The following CACNA2D3 variants were observed in gnomAD, a reference collection of about 807,000 sequenced individuals.
CACNA2D3 encodes calcium voltage-gated channel auxiliary subunit alpha2delta 3.
In CACNA2D3, 60 loss-of-function variants were observed where a neutral mutation model predicts 160.6. The ratio of observed to expected loss-of-function variants is 0.37; its 90% CI spans 0.30 to 0.46. CACNA2D3 has a LOEUF of 0.46. CACNA2D3 is among the 20% of genes least tolerant of loss of function. The pLI is 1.00. For synonymous variants in CACNA2D3, 558 were observed against 492.9 expected (o/e 1.13, Z -1.75); for missense variants, 1,205 against 1,365.0 (o/e 0.88, Z 1.85).
At chr3:54,795,933 C>T (rs998646981) in intron 13 of CACNA2D3, among the ~76,000 whole-genome samples, 1 of 152,132 alleles carries the variant, frequency 6.6e-6, no homozygotes, top group Non-Finnish European at 1.5e-5. Flanking sequence ...ATGTGTTTGG[C>T]AAAGTGTGCT....
intron 11 of CACNA2D3, among the ~76,000 whole-genome samples, chr3:54,718,306 T>C (rs1430638216): frequency 6.6e-6 from 1 of 152,144 alleles, no homozygotes; most frequent in East Asian, 1.9e-4. Context: ...TTAAGACATA[T>C]TTCCCTGCCC....
chr3:54,240,006 A>G (rs368634525), intron 2 of CACNA2D3, among the ~76,000 whole-genome samples: 2 of 152,248 alleles, frequency 1.3e-5, no homozygotes, highest in South Asian at 2.1e-4. Context: ...ATCTTATTTC[A>G]GGCCAGGAAT....
intron 35 of CACNA2D3, among the ~76,000 whole-genome samples, chr3:55,024,763 AAC>A (rs1386955792): frequency 6.6e-6 from 1 of 152,234 alleles, no homozygotes; most frequent in Non-Finnish European, 1.5e-5. Context: ...AAAAGTTTTT[AAC>A]ACCTGTAAAC....
At chr3:54,687,718 G>C (rs1700495007) in intron 11 of CACNA2D3, among the ~76,000 whole-genome samples, 1 of 152,180 alleles carries the variant, frequency 6.6e-6, no homozygotes, top group Non-Finnish European at 1.5e-5. Context: ...GAATCATTTT[G>C]ACATAGCAAC....
At chr3:54,592,305 T>C (rs6445703) in intron 9 of CACNA2D3, among the ~76,000 whole-genome samples, 112,869 of 152,148 alleles carry the variant, frequency 0.74, 42,317 homozygotes, top group African/African-American at 0.83. Context: ...ACATAGATTT[T>C]CGAGATTTTG....
At chr3:54,425,621 A>G (rs1699901277) in intron 4 of CACNA2D3, among the ~76,000 whole-genome samples, 1 of 152,244 alleles carries the variant, frequency 6.6e-6, no homozygotes, top group Non-Finnish European at 1.5e-5. Context: ...TGGCCAAGGC[A>G]GAGTGGGTTC....
At position 54,711,777 on chromosome 3, in the gene CACNA2D3, T is replaced by C. The variant is rs139653230; in HGVS notation, c.1168-40822T>C. On this transcript the variant is annotated intron_variant, in intron 11 of 37. Coordinates refer to ENST00000474759, the MANE Select transcript of CACNA2D3 (RefSeq NM_018398.3). ...GGTAGACAGTTGGCAGTACCTGCCC[T>C]TCCTCATCTGCTGCTACCAGACCAC... Among the ~76,000 whole-genome samples the C allele has an allele frequency of 1.6e-3, 244 of 152,340 alleles. 1 individual carries two copies. Among genetic ancestry groups the C allele is most frequent in the African/African-American group, 4.3e-3 (180 of 41,586 alleles).
chr3:54,265,533 T>A (rs1227314681), intron 2 of CACNA2D3, among the ~76,000 whole-genome samples: 1 of 81,214 alleles, frequency 1.2e-5, no homozygotes, highest in Admixed American at 1.5e-4. Context: ...TTAAAGTATG[T>A]GTGTGTGTGT....
chr3:54,205,626 TA>T (rs1701262950), intron 2 of CACNA2D3, among the ~76,000 whole-genome samples: 1 of 152,212 alleles, frequency 6.6e-6, no homozygotes, highest in African/African-American at 2.4e-5. Context: ...CATCACTTGA[TA>T]ATGCCTATAA....
intron 14 of CACNA2D3, among the ~76,000 whole-genome samples, chr3:54,825,628 CA>C (rs1424346143): frequency 1.3e-5 from 2 of 152,090 alleles, no homozygotes; most frequent in East Asian, 3.9e-4. Context: ...AGCTAAAGAA[CA>C]AGTTAAAGGA....
At chr3:54,147,267 T>G (rs1387838128) in intron 2 of CACNA2D3, among the ~76,000 whole-genome samples, 1 of 152,220 alleles carries the variant, frequency 6.6e-6, no homozygotes, top group Non-Finnish European at 1.5e-5. Flanking sequence ...GTAGTGAGGC[T>G]GACGTGTGAA....
At position 54,424,946 on chromosome 3, in the gene CACNA2D3, C is replaced by T. The variant is rs995333049; in HGVS notation, c.381+38172C>T. Among the ~76,000 whole-genome samples, 14 of 152,300 alleles carry T rather than the reference C, an allele frequency of 9.2e-5. No homozygotes were observed. The South Asian group carries it at 1.9e-3, about 20-fold the overall frequency. On this transcript the variant is annotated intron_variant, in intron 4 of 37. Transcript: ENST00000474759. ...CATCTGCTTTGCTCACAGAGCTGGA[C>T]GTGGGGGTACAGAAAAAAGAGAGAA...
chr3:54,454,661 T>C (rs1046084541), intron 4 of CACNA2D3, among the ~76,000 whole-genome samples: 1 of 152,148 alleles, frequency 6.6e-6, no homozygotes, highest in Non-Finnish European at 1.5e-5. Flanking sequence ...TTGTTAGTTA[T>C]AGACACCCTA....
In CACNA2D3 at chr3:54,615,645, A is replaced by G. The variant is rs539583664; in HGVS notation, c.964-12142A>G. 8.5e-5 allele frequency among the ~76,000 whole-genome samples: 13 copies of G among 152,358 alleles called. No individual in the cohort carries two copies. In the East Asian group the frequency reaches 2.5e-3, roughly 29 times the overall value. On this transcript the variant is annotated intron_variant, in intron 9 of 37. Transcript: ENST00000474759. ...TGTTTTTAAAATGTTTACAGATGAA[A>G]TAATATGATATCTGGGATGTGCTTC... is the stretch of plus-strand genomic sequence containing the variant.
chr3:54,689,875 A>G (rs2106930385), intron 11 of CACNA2D3, among the ~76,000 whole-genome samples: 1 of 152,158 alleles, frequency 6.6e-6, no homozygotes, highest in East Asian at 1.9e-4. Flanking sequence ...ATGTTAGCTC[A>G]TGTTTCTCCT....
chr3:54,136,805 C>G (rs918686892), intron 2 of CACNA2D3, among the ~76,000 whole-genome samples: 2 of 152,232 alleles, frequency 1.3e-5, no homozygotes, highest in Non-Finnish European at 2.9e-5. Flanking sequence ...GGAGCCTACT[C>G]CAAGAGACCC....
rs1179763128 is a variant in CACNA2D3, at chr3:54,838,581, T to C, written c.1484T>C (p.Ile495Thr). The change falls in exon 16 of 38, where the codon ATT becomes ACT. Residue 495 changes from isoleucine (I) to threonine (T), a missense_variant. Physicochemically the swap from Ile to Thr is moderately conservative, Grantham distance 89. Coordinates refer to ENST00000474759, the MANE Select transcript of CACNA2D3 (RefSeq NM_018398.3). ...TATTTTCGACAGAGATCGAAGGGCATTCTTCTGGGAGTGGTTGGCACAGAT... is the reference window on the plus strand; with the variant it reads ...TATTTTCGACAGAGATCGAAGGGCACTCTTCTGGGAGTGGTTGGCACAGAT... Reference protein sequence around the residue: ...SKQNETRSKGILLGVVGTDVP... With the variant: ...SKQNETRSKGTLLGVVGTDVP... 1 of 1,613,112 alleles carries C rather than the reference T, an allele frequency of 6.2e-7. No homozygotes were observed. The highest frequency in any genetic ancestry group is 8.5e-7 in the Non-Finnish European group (1 of 1,179,198).
chr3:54,689,010 A>AAAAAAAAAAAG (rs1553785965), intron 11 of CACNA2D3, among the ~76,000 whole-genome samples: 4 of 85,496 alleles, frequency 4.7e-5, no homozygotes, highest in Non-Finnish European at 8.9e-5. Flanking sequence ...AAAAAAAAAA[A>AAAAAAAAAAAG]AGAATGAGGT....
intron 4 of CACNA2D3, among the ~76,000 whole-genome samples, chr3:54,453,698 T>C (rs7637325): frequency 0.039 from 5,970 of 152,236 alleles, 401 homozygotes; most frequent in African/African-American, 0.14. Context: ...TCTTCCTCTG[T>C]CTTGGTGTTA....
Sources: gnomAD v4.1 joint callset for allele counts (sites outside exome capture counted in the v4.1 genomes callset) on GRCh38, gnomAD v4.1.1 for gene constraint, MANE v1.5 for transcripts, NCBI Gene and HGNC (gene_info 2026-07-23, HGNC 2026-07-21) for gene names.